IKZF3: variants seen among roughly 807,000 people sequenced by gnomAD.
The protein encoded by IKZF3 is zinc finger protein Aiolos.
In IKZF3, 10 loss-of-function variants were observed where a neutral mutation model predicts 49.0. That is an observed-to-expected ratio of 0.20 (90% confidence interval 0.13 to 0.35). The LOEUF is 0.35. Ranked by LOEUF, IKZF3 falls within the 10% of genes least tolerant of loss-of-function variation. IKZF3 has a pLI of 1.00. For synonymous variants in IKZF3, 209 were observed against 228.2 expected (o/e 0.92, Z 0.76); for missense variants, 498 against 664.8 (o/e 0.75, Z 2.76).
At chr17:39,844,405 T>A (rs896345249) in intron 1 of IKZF3, among the ~76,000 whole-genome samples, 2 of 152,162 alleles carry the variant, frequency 1.3e-5, no homozygotes, top group Non-Finnish European at 2.9e-5. Context: ...GCATTTACCC[T>A]TCCCCCTGAC....
chr17:39,855,299 G>C (rs2063004884), intron 1 of IKZF3, among the ~76,000 whole-genome samples: 1 of 152,160 alleles, frequency 6.6e-6, no homozygotes, highest in Admixed American at 6.5e-5. Context: ...TGAAATGTGA[G>C]ACTAACAGTG....
intron 3 of IKZF3, among the ~76,000 whole-genome samples, chr17:39,805,050 C>T (rs895892555): frequency 6.6e-6 from 1 of 152,190 alleles, no homozygotes; most frequent in African/African-American, 2.4e-5. Flanking sequence ...AAGTTGCAAA[C>T]AAGCTCCTTA....
chr17:39,860,938 GCTTT>G (rs1395828157), intron 1 of IKZF3, among the ~76,000 whole-genome samples: 1 of 152,094 alleles, frequency 6.6e-6, no homozygotes, highest in African/African-American at 2.4e-5. Flanking sequence ...TGTTTTCCAA[GCTTT>G]CTTTTTCAAT....
chr17:39,780,672 T>G (rs1391034995), intron 6 of IKZF3, among the ~76,000 whole-genome samples: 3 of 152,172 alleles, frequency 2.0e-5, no homozygotes, highest in Non-Finnish European at 2.9e-5. Flanking sequence ...CTCAGCTTTT[T>G]TTTTTTTCCT....
Position 39,765,726 on chromosome 17 carries a change from G to A in IKZF3, c.*64C>T. The A allele has an allele frequency of 8.0e-7, 1 of 1,244,022 alleles. No individual in the cohort carries two copies. Among genetic ancestry groups the A allele is most frequent in the Non-Finnish European group, 1.1e-6 (1 of 878,112 alleles). The allele number at this position is 1,244,022 out of a possible 1,614,324, so 77.1% of individuals were successfully genotyped here. On this transcript the variant is annotated 3_prime_UTR_variant, in exon 8 of 8. Coordinates refer to ENST00000346872, the MANE Select transcript of IKZF3 (RefSeq NM_012481.5). ...AGTATGTTTTGAGAGCAATCTGTTA[G>A]GCGAGGTCATTGGTTTTTAGAAACG...
intron 3 of IKZF3, among the ~76,000 whole-genome samples, chr17:39,797,285 A>G (rs80342432): frequency 0.02 from 3,024 of 152,140 alleles, 111 homozygotes; most frequent in African/African-American, 0.07. Context: ...GCTCCCTTGA[A>G]TATCACCAAC....
intron 3 of IKZF3, among the ~76,000 whole-genome samples, chr17:39,820,602 T>C (rs1359551579): frequency 1.3e-5 from 2 of 152,164 alleles, no homozygotes; most frequent in African/African-American, 4.8e-5. Flanking sequence ...GATAGGAGTA[T>C]TGTTTTGCTT....
intron 3 of IKZF3, among the ~76,000 whole-genome samples, chr17:39,819,191 TG>T (rs1350701760): frequency 6.6e-6 from 1 of 152,250 alleles, no homozygotes; most frequent in African/African-American, 2.4e-5. Flanking sequence ...GTATTTAATC[TG>T]TTTTTTTTAC....
At chr17:39,857,396 T>C (rs1044581125) in intron 1 of IKZF3, among the ~76,000 whole-genome samples, 1 of 152,162 alleles carries the variant, frequency 6.6e-6, no homozygotes, top group Non-Finnish European at 1.5e-5. Context: ...TGTGATAGAG[T>C]ATTCAAATTA....
chr17:39,777,573 C>T (rs1170298337), intron 7 of IKZF3, 78 bp downstream of exon 7: 8 of 938,592 alleles, frequency 8.5e-6, no homozygotes, highest in Non-Finnish European at 8.4e-6. Flanking sequence ...CTAGGAAAGG[C>T]CTTGTGTAGC....
chr17:39,847,972 A>C (rs2062682697), intron 1 of IKZF3, among the ~76,000 whole-genome samples: 1 of 152,176 alleles, frequency 6.6e-6, no homozygotes, highest in Non-Finnish European at 1.5e-5. Flanking sequence ...AGATCCAATT[A>C]ATTTCAAACA....
At chr17:39,779,530 A>G (rs1381524621) in intron 6 of IKZF3, among the ~76,000 whole-genome samples, 1 of 152,124 alleles carries the variant, frequency 6.6e-6, no homozygotes, top group Non-Finnish European at 1.5e-5. Context: ...AAGGCTTGAC[A>G]TTTTAACACA....
At chr17:39,798,279 T>C (rs2061223850) in intron 3 of IKZF3, among the ~76,000 whole-genome samples, 2 of 150,950 alleles carry the variant, frequency 1.3e-5, no homozygotes, top group African/African-American at 4.9e-5. Context: ...GGTCATGTCA[T>C]AGCCCTGTCA....
chr17:39,800,255 A>T (rs1429630338), intron 3 of IKZF3, among the ~76,000 whole-genome samples: 1 of 152,240 alleles, frequency 6.6e-6, no homozygotes, highest in Non-Finnish European at 1.5e-5. Flanking sequence ...TTAAGTTGAC[A>T]CTTAGAAGAC....
At chr17:39,839,497 T>C (rs970719178) in intron 1 of IKZF3, 4 of 568,442 alleles carry the variant, frequency 7.0e-6, no homozygotes, top group Non-Finnish European at 1.0e-5. Context: ...AGGAATCACT[T>C]AATCCTGAAA....
chr17:39,864,163 T>C lies in IKZF3; in HGVS notation c.-37A>G. 1.2e-6 allele frequency: 2 copies of C among 1,610,758 alleles called. No individual in the cohort carries two copies. Among genetic ancestry groups the C allele is most frequent in the Non-Finnish European group, 1.7e-6 (2 of 1,178,638 alleles). On this transcript the variant is annotated 5_prime_UTR_variant, in exon 1 of 8. Coordinates refer to ENST00000346872, the MANE Select transcript of IKZF3 (RefSeq NM_012481.5). ...GCCGGGCTGGAGCTGCCGCTGTGGC[T>C]ACTCGGCCTCTCCACGTGCTCCTGC...
At chr17:39,766,983 G>A (rs746093743) in intron 7 of IKZF3, among the ~76,000 whole-genome samples, 2 of 152,028 alleles carry the variant, frequency 1.3e-5, no homozygotes, top group Non-Finnish European at 2.9e-5. Context: ...GCAAAGAGTG[G>A]GGACACTCGG....
chr17:39,777,235 T>C (rs999202340), intron 7 of IKZF3, among the ~76,000 whole-genome samples: 7 of 152,242 alleles, frequency 4.6e-5, no homozygotes, highest in Admixed American at 2.6e-4. Flanking sequence ...TATGGCAATA[T>C]GTTTTAGAGC....
chr17:39,812,817 G>A (rs1598087124), intron 3 of IKZF3, among the ~76,000 whole-genome samples: 1 of 152,226 alleles, frequency 6.6e-6, no homozygotes, highest in Non-Finnish European at 1.5e-5. Context: ...TGCAAAAAGA[G>A]GCAGGGCGAA....
Sources: gnomAD v4.1 joint callset for allele counts (sites outside exome capture counted in the v4.1 genomes callset) on GRCh38, gnomAD v4.1.1 for gene constraint, MANE v1.5 for transcripts, NCBI Gene and HGNC (gene_info 2026-07-23, HGNC 2026-07-21) for gene names.